EPHB1: variants seen among roughly 807,000 people sequenced by gnomAD.
EPHB1 encodes EPH receptor B1, also known as ephrin type-B receptor 1.
EPHB1 carries 30 observed loss-of-function variants against 94.4 expected under a neutral mutation model. The ratio of observed to expected loss-of-function variants is 0.32; its 90% confidence interval spans 0.24 to 0.43. The LOEUF (loss-of-function observed/expected upper bound fraction) is 0.43, where lower values mean the gene tolerates loss of function less well. EPHB1 is among the 20% of genes least tolerant of loss of function. The pLI, the probability that EPHB1 is intolerant of heterozygous loss-of-function variation, is 1.00. For synonymous variants in EPHB1, 522 were observed against 489.1 expected, an observed-to-expected ratio of 1.07 and a Z score of -0.89; for missense variants, 1,055 against 1,308.3, an observed-to-expected ratio of 0.81 and a Z score of 2.99.
rs1193207059 is a variant in EPHB1 at position 135,052,860 on chromosome 3, C to CAA, written c.806-53558_806-53557dup. On this transcript the variant is annotated intron_variant, in intron 3 of 15. Coordinates refer to ENST00000398015, the MANE Select transcript of EPHB1 (RefSeq NM_004441.5). ...TGGGCGACACAGCGAGACTCCGTCTCAAAAAAAAAAAAAAAAAAAAAAAAA... is the reference window on the plus strand; with the variant it reads ...TGGGCGACACAGCGAGACTCCGTCTCAAAAAAAAAAAAAAAAAAAAAAAAAAA... Among the ~76,000 whole-genome samples, 42 of 12,096 alleles carry CAA rather than the reference C, an allele frequency of 3.5e-3. 10 individuals carry two copies. Among genetic ancestry groups the CAA allele is most frequent in the East Asian group, 0.014 (2 of 148 alleles). The allele number at this position is 12,096 out of a possible 152,430, so 7.9% of individuals were successfully genotyped here.
intron 5 of EPHB1, among the ~76,000 whole-genome samples, chr3:135,146,053 G>A (rs1940998305): frequency 6.6e-6 from 1 of 152,216 alleles, no homozygotes; most frequent in Non-Finnish European, 1.5e-5. Flanking sequence ...GAGAGCAGAG[G>A]TGAGCACCTC....
intron 3 of EPHB1, among the ~76,000 whole-genome samples, chr3:135,063,383 C>T (rs1937540685): frequency 6.6e-6 from 1 of 152,072 alleles, no homozygotes. Context: ...CTGTTGTTTT[C>T]CTTGTAGAGG....
At chr3:135,039,402 C>T (rs929100582) in intron 3 of EPHB1, among the ~76,000 whole-genome samples, 1 of 152,244 alleles carries the variant, frequency 6.6e-6, no homozygotes, top group East Asian at 1.9e-4. Flanking sequence ...GTGGAGCTGC[C>T]TGCCAGTCCT....
intron 3 of EPHB1, among the ~76,000 whole-genome samples, chr3:135,088,871 A>G (rs1362313663): frequency 1.3e-5 from 2 of 152,244 alleles, no homozygotes; most frequent in African/African-American, 4.8e-5. Flanking sequence ...TTATCATTTT[A>G]TAATAGAAAA....
At chr3:135,108,956 G>A (rs948867482) in intron 4 of EPHB1, among the ~76,000 whole-genome samples, 1 of 152,174 alleles carries the variant, frequency 6.6e-6, no homozygotes, top group African/African-American at 2.4e-5. Flanking sequence ...TTACTGAAGG[G>A]CTACTGACAG....
Position 134,795,449 on chromosome 3 carries a change from A to G in EPHB1, c.-183A>G, listed in dbSNP as rs2108280120. ...CACACCCACACCCACGCGCGCCCGC[A>G]CCGCCCCACGCGCACACACTCCTGC... On this transcript the variant is annotated 5_prime_UTR_variant, in exon 1 of 16. Coordinates refer to ENST00000398015, the MANE Select transcript of EPHB1 (RefSeq NM_004441.5). The G allele has an allele frequency of 1.7e-6, 1 of 584,694 alleles. No individual in the cohort carries two copies. The highest frequency in any genetic ancestry group is 3.2e-5 in the East Asian group (1 of 31,074). The allele number at this position is 584,694 out of a possible 1,614,324, so 36.2% of individuals were successfully genotyped here.
intron 1 of EPHB1, among the ~76,000 whole-genome samples, chr3:134,920,872 G>A (rs2038670681): frequency 6.6e-6 from 1 of 151,976 alleles, no homozygotes; most frequent in South Asian, 2.1e-4. Context: ...TTTCCATACT[G>A]AAGCCTCTAC....
intron 3 of EPHB1, among the ~76,000 whole-genome samples, chr3:134,977,619 G>A (rs1329718106): frequency 6.6e-6 from 1 of 152,112 alleles, no homozygotes; most frequent in Non-Finnish European, 1.5e-5. Flanking sequence ...CTTGCTCCTG[G>A]TGAAGTACCT....
At chr3:135,111,962 G>T (rs1227460212) in intron 4 of EPHB1, among the ~76,000 whole-genome samples, 1 of 152,238 alleles carries the variant, frequency 6.6e-6, no homozygotes, top group African/African-American at 2.4e-5. Flanking sequence ...ATAGGCGTGA[G>T]CCACCGCGCC....
intron 1 of EPHB1, among the ~76,000 whole-genome samples, chr3:134,863,079 C>G (rs2037301458): frequency 6.6e-6 from 1 of 152,214 alleles, no homozygotes; most frequent in Non-Finnish European, 1.5e-5. Flanking sequence ...CCTGGGTTCT[C>G]CTACCTGTCT....
chr3:135,015,419 T>G (rs895613457), intron 3 of EPHB1, among the ~76,000 whole-genome samples: 1 of 152,170 alleles, frequency 6.6e-6, no homozygotes, highest in African/African-American at 2.4e-5. Context: ...TTTTAGCATT[T>G]TTAGTAGAGA....
intron 3 of EPHB1, among the ~76,000 whole-genome samples, chr3:135,104,311 G>A (rs146014360): frequency 6.6e-6 from 1 of 152,240 alleles, no homozygotes; most frequent in Non-Finnish European, 1.5e-5. Flanking sequence ...GAGAGGGACC[G>A]TAATGAGTGG....
chr3:135,255,002 G>A lies in EPHB1; in HGVS notation c.2847-4010G>A, dbSNP rs543678641. Among the ~76,000 whole-genome samples the A allele has an allele frequency of 5.8e-4, 88 of 152,256 alleles. 1 individual carries two copies. The highest frequency in any genetic ancestry group is 1.0e-3 in the African/African-American group (42 of 41,546). On this transcript the variant is annotated intron_variant, in intron 15 of 15. Transcript: ENST00000398015. ...CTTCTTGATTTTCTAGTTTATTTGC[G>A]TAGAGGTGTTTGTAGTATTCTCTGA...
intron 1 of EPHB1, among the ~76,000 whole-genome samples, chr3:134,855,468 CT>C (rs1423279682): frequency 5.9e-5 from 9 of 152,142 alleles, no homozygotes; most frequent in Admixed American, 5.9e-4. Context: ...ACTGCTGGAC[CT>C]GTAGACAGAG....
chr3:135,061,558 T>C (rs1416290471), intron 3 of EPHB1, among the ~76,000 whole-genome samples: 1 of 152,178 alleles, frequency 6.6e-6, no homozygotes, highest in African/African-American at 2.4e-5. Flanking sequence ...TCCTTTTTTA[T>C]GGCTGAGTAG....
chr3:135,077,771 G>T (rs7433166), intron 3 of EPHB1, among the ~76,000 whole-genome samples: 2,881 of 152,294 alleles, frequency 0.019, 93 homozygotes, highest in African/African-American at 0.066. Context: ...ATGACTGGAA[G>T]TAGGAAGCTC....
At chr3:134,807,793 C>G (rs963171241) in intron 1 of EPHB1, among the ~76,000 whole-genome samples, 4 of 152,048 alleles carry the variant, frequency 2.6e-5, no homozygotes, top group Non-Finnish European at 4.4e-5. Flanking sequence ...TACCCAGGGA[C>G]TGACAATAGT....
At chr3:134,943,628 C>G (rs968461698) in intron 2 of EPHB1, among the ~76,000 whole-genome samples, 3 of 152,178 alleles carry the variant, frequency 2.0e-5, no homozygotes, top group Admixed American at 6.5e-5. Flanking sequence ...CTGATGCTGA[C>G]TTTGGACCAC....
chr3:134,999,002 G>A (rs1935088209), intron 3 of EPHB1, among the ~76,000 whole-genome samples: 1 of 152,178 alleles, frequency 6.6e-6, no homozygotes, highest in Non-Finnish European at 1.5e-5. Flanking sequence ...GGAAGCACAA[G>A]GCTGCACAGG....
Sources: allele counts gnomAD v4.1 joint callset (sites outside exome capture counted in the v4.1 genomes callset), GRCh38; gene constraint gnomAD v4.1.1; transcripts MANE v1.5; gene names NCBI Gene and HGNC (gene_info 2026-07-23, HGNC 2026-07-21).